TF: variants seen among roughly 807,000 people sequenced by gnomAD.
The protein encoded by TF is transferrin.
Under a neutral mutation model 82.4 loss-of-function variants are expected in TF, and 55 were observed. That is an observed-to-expected ratio of 0.67 (90% confidence interval 0.54 to 0.84). The LOEUF (loss-of-function observed/expected upper bound fraction) is 0.84. Ranked by LOEUF, TF falls within the 40% of genes least tolerant of loss-of-function variation. The pLI is 0.00. For missense variants in TF, 737 were observed against 868.4 expected, an observed-to-expected ratio of 0.85 and a Z score of 1.90; for synonymous variants, 332 against 332.6, an observed-to-expected ratio of 1.00 and a Z score of 0.02.
the TF span, among the ~76,000 whole-genome samples, chr3:133,663,115 C>T: frequency 6.6e-6 from 1 of 152,262 alleles, no homozygotes; most frequent in African/African-American, 2.4e-5. Flanking sequence ...GTCTGATCAC[C>T]TTGACCTATT....
chr3:133,755,547 G>T, intron 5 of TF, 52 bp downstream of exon 5: 1 of 1,611,292 alleles, frequency 6.2e-7, no homozygotes, highest in South Asian at 1.1e-5. Context: ...AATGTCCTCA[G>T]GGTGAGAGTT....
chr3:133,727,810 T>C, the TF span, among the ~76,000 whole-genome samples: 11 of 116,670 alleles, frequency 9.4e-5, 1 homozygote, highest in East Asian at 3.7e-4. Flanking sequence ...TTCCTTTCCA[T>C]GTTTAGTGCT....
intron 14 of TF, chr3:133,772,674 T>A (rs976441262): frequency 1.3e-5 from 2 of 152,232 alleles, no homozygotes; most frequent in African/African-American, 4.8e-5. Context: ...AGATTAAGTC[T>A]GTCAGTCAAT....
the TF span, among the ~76,000 whole-genome samples, chr3:133,696,798 T>C: frequency 6.6e-6 from 1 of 152,064 alleles, no homozygotes; most frequent in South Asian, 2.1e-4. Context: ...TTCTTCTTTT[T>C]TTTTTTTACA....
chr3:133,693,676 C>T, the TF span, among the ~76,000 whole-genome samples: 1 of 152,166 alleles, frequency 6.6e-6, no homozygotes, highest in Non-Finnish European at 1.5e-5. Flanking sequence ...ACCCCCTCCT[C>T]GACAAGCTGT....
the TF span, among the ~76,000 whole-genome samples, chr3:133,691,314 T>C: frequency 6.6e-6 from 1 of 152,194 alleles, no homozygotes; most frequent in African/African-American, 2.4e-5. Context: ...GGAAATATTC[T>C]ACAATGCATT....
rs1003619681 is a variant in TF at position 133,789,381 on chromosome 3, G to A, written c.*10761G>A. On this transcript the variant is annotated 3_prime_UTR_variant, in exon 17 of 17. Coordinates refer to ENST00000402696, the MANE Select transcript of TF (RefSeq NM_001063.4). ...TGCTGTTTGACCCCAGTGTTCTTTCGAGTCTGGGGAGGTTTGGCCTTTAAA... is the reference window on the plus strand; with the variant it reads ...TGCTGTTTGACCCCAGTGTTCTTTCAAGTCTGGGGAGGTTTGGCCTTTAAA... 4 of 152,218 alleles carry A rather than the reference G, an allele frequency of 2.6e-5. No individual in the cohort carries two copies. Among genetic ancestry groups the A allele is most frequent in the South Asian group, 2.1e-4 (1 of 4,830 alleles). 9.4% of individuals were successfully genotyped at this position (152,218 alleles called of 1,614,324 possible). A position where few individuals can be genotyped will look rare whatever the true frequency, so the allele number is the denominator to read the frequency against.
At chr3:133,686,727 A>G in the TF span, among the ~76,000 whole-genome samples, 1 of 152,264 alleles carries the variant, frequency 6.6e-6, no homozygotes, top group Non-Finnish European at 1.5e-5. Context: ...GTGGAAAAAT[A>G]GGAATGCTTT....
At chr3:133,724,468 C>T in the TF span, among the ~76,000 whole-genome samples, 55 of 151,444 alleles carry the variant, frequency 3.6e-4, no homozygotes, top group Middle Eastern at 3.4e-3. Flanking sequence ...TGAGAAGTGT[C>T]TGTTCATATC....
chr3:133,727,993 T>C, the TF span, among the ~76,000 whole-genome samples: 4 of 152,264 alleles, frequency 2.6e-5, no homozygotes, highest in Non-Finnish European at 5.9e-5. Context: ...CCCACTCTCT[T>C]CTGGCTGGCA....
In TF at chr3:133,777,192, A is replaced by G; in HGVS notation, c.2016A>G (p.Glu672=). ...ACACATATGAAAAATACTTAGGAGA[A>G]GAATATGTCAAGGCTGTTGGTAACC... ...DRNTYEKYLG[E]EYVKAVGNLR... The change falls in exon 16 of 17, where the codon GAA becomes GAG. Residue 672 remains glutamate (E), a synonymous_variant. Coordinates refer to ENST00000402696, the MANE Select transcript of TF (RefSeq NM_001063.4). The G allele has an allele frequency of 6.2e-7, 1 of 1,614,036 alleles. No homozygotes were observed. Among genetic ancestry groups the G allele is most frequent in the Non-Finnish European group, 8.5e-7 (1 of 1,180,032 alleles).
At chr3:133,750,926 A>G (rs1933645305) in intron 2 of TF, among the ~76,000 whole-genome samples, 1 of 152,188 alleles carries the variant, frequency 6.6e-6, no homozygotes, top group African/African-American at 2.4e-5. Flanking sequence ...GGGGAAGGGA[A>G]GGTGTTTGCA....
At chr3:133,696,576 T>C in the TF span, among the ~76,000 whole-genome samples, 2 of 152,210 alleles carry the variant, frequency 1.3e-5, no homozygotes, top group Admixed American at 1.3e-4. Flanking sequence ...ACTTACCATC[T>C]AATAAAACAA....
chr3:133,793,619 GATT>G lies in TF; in HGVS notation c.*15005_*15007del, dbSNP rs1209048775. On this transcript the variant is annotated 3_prime_UTR_variant, in exon 17 of 17. Coordinates refer to ENST00000402696, the MANE Select transcript of TF (RefSeq NM_001063.4). ...AGTATATGCTATCAATCATAATTAT[GATT>G]ATTATGTTATTGTAGACCACAGAAA... 15 of 152,034 alleles carry G rather than the reference GATT, an allele frequency of 9.9e-5. No individual in the cohort carries two copies. Among genetic ancestry groups the G allele is most frequent in the Admixed American group, 4.6e-4 (7 of 15,270 alleles). The allele number at this position is 152,034 out of a possible 1,614,324, so 9.4% of individuals were successfully genotyped here. A position where few individuals can be genotyped will look rare whatever the true frequency, so the allele number is the denominator to read the frequency against.
At chr3:133,775,091 A>T (rs1420434929) in intron 14 of TF, 1 of 376,036 alleles carries the variant, frequency 2.7e-6, no homozygotes, top group Non-Finnish European at 5.1e-6. Context: ...TTAGAGCGTC[A>T]CATTCTTCCT....
At chr3:133,742,112 TA>T (rs1340303444), upstream of TF, among the ~76,000 whole-genome samples, 8 of 152,156 alleles carry the variant, frequency 5.3e-5, no homozygotes, top group South Asian at 2.1e-4. Flanking sequence ...GCCTCTTGGG[TA>T]GCTGGCACTA....
At chr3:133,672,437 C>T in the TF span, among the ~76,000 whole-genome samples, 8 of 145,502 alleles carry the variant, frequency 5.5e-5, no homozygotes, top group South Asian at 2.1e-4. Context: ...ATTTCTCTCA[C>T]GAACACAAAT....
chr3:133,688,651 A>G, the TF span, among the ~76,000 whole-genome samples: 6 of 152,266 alleles, frequency 3.9e-5, no homozygotes, highest in Admixed American at 3.9e-4. Flanking sequence ...CTAGCATTAC[A>G]TTGAAAGAGA....
the TF span, among the ~76,000 whole-genome samples, chr3:133,729,897 G>C: frequency 6.6e-6 from 1 of 151,762 alleles, no homozygotes; most frequent in African/African-American, 2.4e-5. Flanking sequence ...TGAATTGTTT[G>C]TCTGTGTTCT....
Sources: allele counts gnomAD v4.1 joint callset (sites outside exome capture counted in the v4.1 genomes callset), GRCh38; gene constraint gnomAD v4.1.1; transcripts MANE v1.5; gene names NCBI Gene and HGNC (gene_info 2026-07-23, HGNC 2026-07-21).